Variants in PPP4R4 observed in about 807,000 individuals in gnomAD.
PPP4R4 encodes the protein serine/threonine-protein phosphatase 4 regulatory subunit 4.
Under a neutral mutation model 121.8 loss-of-function variants are expected in PPP4R4, and 70 were observed. The ratio of observed to expected loss-of-function variants is 0.57; its 90% CI spans 0.47 to 0.70. The LOEUF is 0.70. Ranked by LOEUF, PPP4R4 falls within the 30% of genes least tolerant of loss-of-function variation. The pLI is 0.00. For missense variants in PPP4R4, 875 were observed against 1,033.6 expected, an observed-to-expected ratio of 0.85 and a Z score of 2.10; for synonymous variants, 348 against 355.7, an observed-to-expected ratio of 0.98 and a Z score of 0.24.
rs907913608 is a variant in PPP4R4, at chr14:94,191,899, A to G, written c.191+15772A>G. On this transcript the variant is annotated intron_variant, in intron 2 of 24. Coordinates refer to ENST00000304338, the MANE Select transcript of PPP4R4 (RefSeq NM_058237.2). ...TGATGGGACTATGACCTGAGATGGTATGATGGCTATAGGCTATGGACTGAG... is the reference window on the plus strand; with the variant it reads ...TGATGGGACTATGACCTGAGATGGTGTGATGGCTATAGGCTATGGACTGAG... 2.6e-5 allele frequency among the ~76,000 whole-genome samples: 4 copies of G among 152,174 alleles called. No individual in the cohort carries two copies. The East Asian group carries it at 7.7e-4, about 29-fold the overall frequency.
intron 16 of PPP4R4, 73 bp downstream of exon 16, chr14:94,251,969 C>A: frequency 7.6e-7 from 1 of 1,324,322 alleles, no homozygotes; most frequent in Non-Finnish European, 1.0e-6. Flanking sequence ...TATGCAAAAT[C>A]TTTTCCTTAG....
rs1222388546 is a variant in PPP4R4 at position 94,275,486 on chromosome 14, T to C, written c.2562T>C (p.Ser854=). 1.9e-6 allele frequency: 3 copies of C among 1,613,992 alleles called. No individual in the cohort carries two copies. Among genetic ancestry groups the C allele is most frequent in the Admixed American group, 1.7e-5 (1 of 60,004 alleles). Residue 854 remains serine, a synonymous_variant, in exon 24 of 25, where the codon AGT becomes AGC. Coordinates refer to ENST00000304338, the MANE Select transcript of PPP4R4 (RefSeq NM_058237.2). ...GTGNSVDPKS[S]GSKDTQPRKA... The stretch of plus-strand genomic sequence containing the variant: ...GTAACTCAGTTGACCCCAAGAGCAG[T>C]GGAAGTAAAGATACACAACCACGGA...
intron 3 of PPP4R4, among the ~76,000 whole-genome samples, chr14:94,222,482 G>A (rs929747166): frequency 7.3e-5 from 11 of 150,746 alleles, no homozygotes; most frequent in African/African-American, 2.7e-4. Flanking sequence ...TATATTTCAG[G>A]TCTCCTAGAT....
Position 94,174,330 on chromosome 14 carries a change from C to T in PPP4R4, c.-136C>T. ...CCTCGCCGGGCCGTGCTCTTGCTCC[C>T]GCCGCCTGGCAGCCTCACGCTCGGC... is the stretch of plus-strand genomic sequence containing the variant. On this transcript the variant is annotated 5_prime_UTR_variant, in exon 1 of 25. Coordinates refer to ENST00000304338, the MANE Select transcript of PPP4R4 (RefSeq NM_058237.2). 3.9e-6 allele frequency: 3 copies of T among 771,156 alleles called. No homozygotes were observed. Among genetic ancestry groups the T allele is most frequent in the South Asian group, 5.7e-5 (1 of 17,556 alleles). 47.8% of individuals were successfully genotyped at this position (771,156 alleles called of 1,614,324 possible).
intron 5 of PPP4R4, 77 bp downstream of exon 5, chr14:94,231,392 T>C: frequency 7.7e-7 from 1 of 1,300,742 alleles, no homozygotes; most frequent in South Asian, 1.4e-5. Flanking sequence ...TTGTCAAAAA[T>C]GGTTTTTAAA....
chr14:94,251,462 ACATAGTGGGTGATAAAAAGT>A lies in PPP4R4; in HGVS notation c.1718-286_1718-267del, dbSNP rs370189300. ...AGATAATATGTGTAAAGTACTTAGC[ACATAGTGGGTGATAAAAAGT>A]AGTAAATACAGTCATTCCATAGTTA... On this transcript the variant is annotated intron_variant, in intron 15 of 24. Coordinates refer to ENST00000304338, the MANE Select transcript of PPP4R4 (RefSeq NM_058237.2). 2.7e-3 allele frequency among the ~76,000 whole-genome samples: 412 copies of A among 152,174 alleles called. 3 individuals are homozygous for A. Among genetic ancestry groups the A allele is most frequent in the African/African-American group, 9.5e-3 (394 of 41,560 alleles).
In PPP4R4 at chr14:94,275,463, A is replaced by G; in HGVS notation, c.2539A>G (p.Asn847Asp). The G allele has an allele frequency of 1.9e-6, 3 of 1,614,042 alleles. No homozygotes were observed. Among genetic ancestry groups the G allele is most frequent in the Non-Finnish European group, 2.5e-6 (3 of 1,179,936 alleles). The change falls in exon 24 of 25, where the codon AAC (asparagine) becomes GAC (aspartate). Residue 847 changes from asparagine to aspartate, a missense_variant. Asn to Asp is a conservative substitution (Grantham distance 23, BLOSUM62 1). Coordinates refer to ENST00000304338, the MANE Select transcript of PPP4R4 (RefSeq NM_058237.2). ...PLPSTSRGTG[N>D]SVDPKSSGSK... ...ACCGAGTACTTCCCGTGGGACAGGT[A>G]ACTCAGTTGACCCCAAGAGCAGTGG...
chr14:94,198,235 A>G (rs1001457752), intron 2 of PPP4R4, among the ~76,000 whole-genome samples: 1 of 152,188 alleles, frequency 6.6e-6, no homozygotes, highest in Non-Finnish European at 1.5e-5. Flanking sequence ...ATTTTAGTGA[A>G]TGTGTAGTGA....
At chr14:94,226,133 C>T (rs111257946) in intron 3 of PPP4R4, among the ~76,000 whole-genome samples, 5 of 152,086 alleles carry the variant, frequency 3.3e-5, no homozygotes, top group African/African-American at 4.8e-5. Context: ...TAATTTATTA[C>T]GTTTAAAAAT....
chr14:94,207,324 G>T (rs1302342801), intron 2 of PPP4R4, among the ~76,000 whole-genome samples: 2 of 151,740 alleles, frequency 1.3e-5, no homozygotes, highest in African/African-American at 4.8e-5. Context: ...TCTATTAAAG[G>T]ATTCTCCTAG....
chr14:94,261,707 A>G (rs957604927), intron 19 of PPP4R4, among the ~76,000 whole-genome samples: 1 of 152,020 alleles, frequency 6.6e-6, no homozygotes, highest in African/African-American at 2.4e-5. Context: ...GGTTTTATGT[A>G]GATTCCCTTT....
rs771814653 is a variant in PPP4R4 at position 94,245,615 on chromosome 14, CA to C, written c.1374del (p.Glu459LysfsTer25). 6.3e-7 allele frequency: 1 copy of C among 1,596,726 alleles called. No homozygotes were observed. The part of the protein sequence containing the change: ...EVLDALIDHL[P>X]EILELMSTGG... ...CTAGATGCTCTTATAGATCATCTTC[CA>C]GAAATCTTGGAACTTATGTCTACTG... On this transcript the variant is annotated frameshift_variant, in exon 13 of 25. Coordinates refer to ENST00000304338, the MANE Select transcript of PPP4R4 (RefSeq NM_058237.2). LOFTEE classifies it high-confidence loss of function.
intron 19 of PPP4R4, among the ~76,000 whole-genome samples, chr14:94,263,369 C>G (rs1893879296): frequency 6.6e-6 from 1 of 152,068 alleles, no homozygotes; most frequent in South Asian, 2.1e-4. Context: ...TCAGTGTTAC[C>G]AACCCTTCCC....
rs1595560601 is a variant in PPP4R4, at chr14:94,279,602, T to C, written c.*959T>C. On this transcript the variant is annotated 3_prime_UTR_variant, in exon 25 of 25. Coordinates refer to ENST00000304338, the MANE Select transcript of PPP4R4 (RefSeq NM_058237.2). ...ATAACTATATTGATATTAGAAGATA[T>C]TTGTTTTTTAAAATATATTGATGTA... The C allele has an allele frequency of 1.3e-5, 2 of 152,752 alleles. No homozygotes were observed. The highest frequency in any genetic ancestry group is 1.9e-4 in the East Asian group (1 of 5,188). The allele number at this position is 152,752 out of a possible 1,614,324, so 9.5% of individuals were successfully genotyped here. A position where few individuals can be genotyped will look rare whatever the true frequency, so the allele number is the denominator to read the frequency against.
At chr14:94,211,533 T>TGG (rs1890737938) in intron 3 of PPP4R4, among the ~76,000 whole-genome samples, 1 of 152,032 alleles carries the variant, frequency 6.6e-6, no homozygotes, top group African/African-American at 2.4e-5. Context: ...ACCCAGTGGA[T>TGG]GGTGTGGGGT....
At chr14:94,218,323 C>T (rs1423089045) in intron 3 of PPP4R4, among the ~76,000 whole-genome samples, 1 of 152,038 alleles carries the variant, frequency 6.6e-6, no homozygotes. Context: ...AGGATAAATG[C>T]GTGCGAGCGC....
intron 2 of PPP4R4, among the ~76,000 whole-genome samples, chr14:94,191,282 T>C (rs574892968): frequency 7.7e-4 from 117 of 152,278 alleles, no homozygotes; most frequent in African/African-American, 2.7e-3. Flanking sequence ...GGGCTGTTTG[T>C]ACCCTCGTTG....
At chr14:94,273,268 C>A (rs1454425014) in intron 23 of PPP4R4, among the ~76,000 whole-genome samples, 4 of 152,122 alleles carry the variant, frequency 2.6e-5, no homozygotes, top group African/African-American at 9.7e-5. Context: ...AACTGTGATA[C>A]ATCCAGACAG....
At chr14:94,256,368 C>A in intron 16 of PPP4R4, 92 bp from the exon 17 acceptor site, 1 of 1,024,792 alleles carries the variant, frequency 9.8e-7, no homozygotes, top group Non-Finnish European at 1.4e-6. Context: ...AATAAATGAA[C>A]TCTCAGGCTA....
Sources: gnomAD v4.1 joint callset for allele counts (sites outside exome capture counted in the v4.1 genomes callset) on GRCh38, gnomAD v4.1.1 for gene constraint, MANE v1.5 for transcripts, NCBI Gene and HGNC (gene_info 2026-07-23, HGNC 2026-07-21) for gene names.